Variants in STOX2 observed in about 807,000 individuals in gnomAD.
The protein encoded by STOX2 is storkhead box 2.
In STOX2, 28 loss-of-function variants were observed where a neutral mutation model predicts 60.9. The observed-to-expected ratio is 0.46, with a 90% CI of 0.34 to 0.63. The LOEUF is 0.63. Ranked by LOEUF, STOX2 falls within the 30% of genes least tolerant of loss-of-function variation. The probability of loss-of-function intolerance (pLI) is 0.01; values close to 1 mark genes in which losing one functional copy is unlikely to be tolerated. For synonymous variants in STOX2, 472 were observed against 463.9 expected, an observed-to-expected ratio of 1.02 and a Z score of -0.22; for missense variants, 1,024 against 1,187.7, an observed-to-expected ratio of 0.86 and a Z score of 2.03.
intron 1 of STOX2, among the ~76,000 whole-genome samples, chr4:183,883,352 C>T (rs1316601826): frequency 6.7e-6 from 1 of 149,884 alleles, no homozygotes; most frequent in Non-Finnish European, 1.5e-5. Flanking sequence ...CAGAGTCTCG[C>T]TCTGTCGCCC....
chr4:183,879,325 G>C (rs1269334001), intron 1 of STOX2, among the ~76,000 whole-genome samples: 1 of 152,154 alleles, frequency 6.6e-6, no homozygotes, highest in African/African-American at 2.4e-5. Context: ...CATACATCAA[G>C]CATGGACATA....
intron 1 of STOX2, among the ~76,000 whole-genome samples, chr4:183,862,137 G>A (rs1012600583): frequency 1.4e-4 from 21 of 151,962 alleles, no homozygotes; most frequent in Non-Finnish European, 2.4e-4. Context: ...GAGAATGAGG[G>A]GATTTCAGAT....
chr4:183,987,808 C>T (rs1732913173), intron 1 of STOX2: 1 of 152,204 alleles, frequency 6.6e-6, no homozygotes, highest in Non-Finnish European at 1.5e-5. Context: ...TGCAGCTAAA[C>T]TTTGATACAG....
intron 1 of STOX2, among the ~76,000 whole-genome samples, chr4:183,837,756 G>A (rs1387827652): frequency 6.6e-6 from 1 of 152,154 alleles, no homozygotes; most frequent in African/African-American, 2.4e-5. Flanking sequence ...ACCGCACCTG[G>A]CCTCCACGCA....
intron 1 of STOX2, among the ~76,000 whole-genome samples, chr4:183,948,827 G>A (rs1271749227): frequency 1.3e-5 from 2 of 151,850 alleles, no homozygotes; most frequent in Non-Finnish European, 2.9e-5. Context: ...CCACTGTGCC[G>A]GGCTGCCTTA....
Position 184,010,123 on chromosome 4 carries a change from G to A in STOX2, c.1285G>A (p.Val429Met), listed in dbSNP as rs779021205. The A allele has an allele frequency of 1.6e-5, 26 of 1,580,542 alleles. No individual in the cohort carries two copies. The highest frequency in any genetic ancestry group is 7.4e-5 in the Admixed American group (4 of 54,114). Reference protein sequence around the residue: ...DNFIMHSNTNVLESHFPMTPE... With the variant: ...DNFIMHSNTNMLESHFPMTPE... ...CTTCATCATGCACAGCAACACAAACGTGCTCGAGTCCCACTTCCCCATGAC... is the reference window on the plus strand; with the variant it reads ...CTTCATCATGCACAGCAACACAAACATGCTCGAGTCCCACTTCCCCATGAC... The change falls in exon 3 of 4, where the codon GTG becomes ATG. Residue 429 changes from valine to methionine, a missense_variant. Physicochemically the swap from Val to Met is conservative, Grantham distance 21. Coordinates refer to ENST00000308497, the MANE Select transcript of STOX2 (RefSeq NM_020225.3). The surrounding 1 kb of genome is among the most constrained non-coding windows in gnomAD (Gnocchi z 4.5).
At chr4:183,867,543 T>A (rs1432581120) in intron 1 of STOX2, among the ~76,000 whole-genome samples, 1 of 152,236 alleles carries the variant, frequency 6.6e-6, no homozygotes, top group Non-Finnish European at 1.5e-5. Flanking sequence ...AGTGTCATAG[T>A]CACTCGGAGC....
chr4:183,966,523 C>T (rs1181942154), intron 1 of STOX2, among the ~76,000 whole-genome samples: 1 of 152,184 alleles, frequency 6.6e-6, no homozygotes, highest in African/African-American at 2.4e-5. Context: ...CAGTCACCCT[C>T]CCGGCGGCGC....
chr4:184,004,811 A>G (rs1733755814), intron 2 of STOX2, among the ~76,000 whole-genome samples: 1 of 152,200 alleles, frequency 6.6e-6, no homozygotes, highest in South Asian at 2.1e-4. Context: ...CTATGCATCC[A>G]TTCATCCAGA....
upstream of STOX2, among the ~76,000 whole-genome samples, chr4:183,902,010 A>T (rs906339737): frequency 2.6e-5 from 4 of 152,004 alleles, no homozygotes; most frequent in East Asian, 1.9e-4. Flanking sequence ...CTTGATTTTT[A>T]AAAAGTAGTT....
Position 184,021,837 on chromosome 4 carries a change from GA to G in STOX2, c.*4554del, listed in dbSNP as rs1297175645. The G allele has an allele frequency of 6.6e-6, 1 of 152,156 alleles. No individual in the cohort carries two copies. The highest frequency in any genetic ancestry group is 2.4e-5 in the African/African-American group (1 of 41,396). The allele number at this position is 152,156 out of a possible 1,614,324, so 9.4% of individuals were successfully genotyped here. Reference sequence around the variant, plus strand: ...TAGGAGATAGATGATCTTTGATGGGGATCTCCTCCGTCACCACAGGCCAGTC... The same window carrying G: ...TAGGAGATAGATGATCTTTGATGGGGTCTCCTCCGTCACCACAGGCCAGTC... On this transcript the variant is annotated 3_prime_UTR_variant, in exon 4 of 4. Coordinates refer to ENST00000308497, the MANE Select transcript of STOX2 (RefSeq NM_020225.3).
chr4:183,802,111 C>T (rs1164217720), intron 1 of STOX2, among the ~76,000 whole-genome samples: 1 of 152,212 alleles, frequency 6.6e-6, no homozygotes, highest in African/African-American at 2.4e-5. Context: ...TGCTCCCCCT[C>T]CAGACCTCAG....
At chr4:183,952,259 A>G (rs17075170) in intron 1 of STOX2, among the ~76,000 whole-genome samples, 2,403 of 152,322 alleles carry the variant, frequency 0.016, 51 homozygotes, top group Middle Eastern at 0.041. Context: ...GAAAACCGTA[A>G]CACATCTCAT....
At chr4:183,929,347 A>T (rs1030191272) in intron 1 of STOX2, among the ~76,000 whole-genome samples, 4 of 152,216 alleles carry the variant, frequency 2.6e-5, no homozygotes, top group African/African-American at 9.6e-5. Context: ...TGAATAATCC[A>T]GTAAAGATTT....
intron 3 of STOX2, among the ~76,000 whole-genome samples, chr4:184,016,688 G>C (rs1734389639): frequency 6.6e-6 from 1 of 152,172 alleles, no homozygotes; most frequent in African/African-American, 2.4e-5. Flanking sequence ...GTGTGTTCAG[G>C]AGCGGCTATG....
At chr4:183,986,935 G>A (rs1253560243) in intron 1 of STOX2, among the ~76,000 whole-genome samples, 3 of 152,194 alleles carry the variant, frequency 2.0e-5, no homozygotes, top group Admixed American at 6.5e-5. Context: ...GAGCTTCAGT[G>A]CATTTCCCAT....
At chr4:183,801,533 A>G (rs1358000250) in intron 1 of STOX2, among the ~76,000 whole-genome samples, 1 of 152,178 alleles carries the variant, frequency 6.6e-6, no homozygotes, top group Non-Finnish European at 1.5e-5. Flanking sequence ...CTTTGTTTTG[A>G]GTGAACGAGA....
chr4:183,955,230 A>G (rs1743213148), intron 1 of STOX2, among the ~76,000 whole-genome samples: 1 of 152,216 alleles, frequency 6.6e-6, no homozygotes, highest in Non-Finnish European at 1.5e-5. Context: ...AGATAAATCA[A>G]TAATCAGTAT....
intron 1 of STOX2, among the ~76,000 whole-genome samples, chr4:183,964,375 G>C (rs765944729): frequency 2.1e-4 from 32 of 152,188 alleles, no homozygotes; most frequent in Non-Finnish European, 3.7e-4. Context: ...TGGAGCTCAT[G>C]TTATTTAGAT....
Sources: gnomAD v4.1 joint callset for allele counts (sites outside exome capture counted in the v4.1 genomes callset) on GRCh38, gnomAD v4.1.1 for gene constraint, Gnocchi (gnomAD v3.1) non-coding constraint, MANE v1.5 for transcripts, NCBI Gene and HGNC (gene_info 2026-07-23, HGNC 2026-07-21) for gene names.